Variants in PRMT8 observed in about 807,000 individuals in gnomAD.
The protein encoded by PRMT8 is protein arginine methyltransferase 8.
In PRMT8, 7 loss-of-function variants were observed where a neutral mutation model predicts 47.1. The ratio of observed to expected loss-of-function variants is 0.15; its 90% CI spans 0.08 to 0.28. PRMT8 has a LOEUF of 0.28. Ranked by LOEUF, PRMT8 falls within the 10% of genes least tolerant of loss-of-function variation. The pLI is 1.00. For synonymous variants in PRMT8, 188 were observed against 186.5 expected (o/e 1.01, Z -0.07); for missense variants, 237 against 505.4 (o/e 0.47, Z 5.09).
intron 1 of PRMT8, among the ~76,000 whole-genome samples, chr12:3,437,027 C>T (rs995624450): frequency 6.6e-6 from 1 of 152,110 alleles, no homozygotes; most frequent in Non-Finnish European, 1.5e-5. Context: ...TTTTAAGTCA[C>T]GAAAATGAAA....
chr12:3,491,344 G>T lies in PRMT8; in HGVS notation c.-282G>T, dbSNP rs1207680738. 8.8e-7 allele frequency: 1 copy of T among 1,138,908 alleles called. No homozygotes were observed. Among genetic ancestry groups the T allele is most frequent in the Non-Finnish European group, 1.1e-6 (1 of 927,478 alleles). 70.6% of individuals were successfully genotyped at this position (1,138,908 alleles called of 1,614,324 possible). A position where few individuals can be genotyped will look rare whatever the true frequency, so the allele number is the denominator to read the frequency against. On this transcript the variant is annotated 5_prime_UTR_variant, in exon 1 of 10. Coordinates refer to ENST00000382622, the MANE Select transcript of PRMT8 (RefSeq NM_019854.5). Reference sequence around the variant, plus strand: ...TTCGGGGCTGCTTCCCTCGAGCTTAGCCCGCAGCGCGGGTGGAGAGGGGCG... The same window carrying T: ...TTCGGGGCTGCTTCCCTCGAGCTTATCCCGCAGCGCGGGTGGAGAGGGGCG...
intron 1 of PRMT8, among the ~76,000 whole-genome samples, chr12:3,435,259 C>T (rs146944834): frequency 9.9e-5 from 15 of 151,982 alleles, no homozygotes; most frequent in East Asian, 5.9e-4. Context: ...ATGAGCCACC[C>T]GGTCCAGCCT....
At chr12:3,459,699 G>A (rs1426717498) in intron 1 of PRMT8, among the ~76,000 whole-genome samples, 2 of 152,196 alleles carry the variant, frequency 1.3e-5, no homozygotes, top group African/African-American at 2.4e-5. Context: ...AAGCAGAGGA[G>A]CAGGGAGAAG....
intron 1 of PRMT8, among the ~76,000 whole-genome samples, chr12:3,396,661 C>A (rs1383043777): frequency 6.6e-6 from 1 of 151,264 alleles, no homozygotes; most frequent in East Asian, 1.9e-4. Context: ...TCCTTCATTT[C>A]AACTTTGGTG....
At chr12:3,590,242 C>T (rs1867269554) in intron 8 of PRMT8, among the ~76,000 whole-genome samples, 1 of 152,186 alleles carries the variant, frequency 6.6e-6, no homozygotes, top group Admixed American at 6.5e-5. Flanking sequence ...CGGAGGGCTA[C>T]TTGAGTCTCT....
chr12:3,565,600 G>T (rs540863544), intron 4 of PRMT8, among the ~76,000 whole-genome samples: 2 of 152,228 alleles, frequency 1.3e-5, no homozygotes, highest in East Asian at 3.9e-4. Context: ...ATTTTATAGG[G>T]TTAACTGATT....
At chr12:3,414,409 C>T (rs1047327576) in intron 1 of PRMT8, among the ~76,000 whole-genome samples, 7 of 152,162 alleles carry the variant, frequency 4.6e-5, no homozygotes, top group African/African-American at 1.4e-4. Context: ...TCTGAGATTC[C>T]CTTGACCTTG....
intron 1 of PRMT8, among the ~76,000 whole-genome samples, chr12:3,421,419 G>C (rs910504733): frequency 1.3e-5 from 2 of 152,208 alleles, no homozygotes; most frequent in Admixed American, 6.5e-5. Flanking sequence ...CATCCTGCCG[G>C]GGGGTGGGGT....
At position 3,492,531 on chromosome 12, in the gene PRMT8, GC is replaced by G. The variant is rs1865437352; in HGVS notation, c.75+836del. ...TCTAGCTCCGCAAATTGTGTTCTCG[GC>G]CCCCGCCTTCGGCAGCCTTTTTCTC... On this transcript the variant is annotated intron_variant, in intron 1 of 9. Transcript: ENST00000382622. The surrounding 1 kb of genome is among the most constrained non-coding windows in gnomAD (Gnocchi z 7.5). 6.6e-6 allele frequency among the ~76,000 whole-genome samples: 1 copy of G among 152,174 alleles called. No individual in the cohort carries two copies. Among genetic ancestry groups the G allele is most frequent in the Admixed American group, 6.5e-5 (1 of 15,280 alleles).
At chr12:3,443,587 A>AC (rs942915094) in intron 1 of PRMT8, among the ~76,000 whole-genome samples, 3 of 152,168 alleles carry the variant, frequency 2.0e-5, no homozygotes, top group Non-Finnish European at 4.4e-5. Context: ...CTGGAGCACT[A>AC]CAACAGCCTC....
At chr12:3,410,683 A>G (rs1464217514) in intron 1 of PRMT8, among the ~76,000 whole-genome samples, 2 of 152,050 alleles carry the variant, frequency 1.3e-5, no homozygotes, top group South Asian at 2.1e-4. Context: ...TAATTTTTGT[A>G]TTTTTAGTAG....
intron 2 of PRMT8, among the ~76,000 whole-genome samples, chr12:3,543,105 C>T (rs1007251465): frequency 1.3e-5 from 2 of 152,254 alleles, no homozygotes; most frequent in African/African-American, 4.8e-5. Flanking sequence ...TCATAGATCA[C>T]ATTCCTGTCC....
chr12:3,384,683 G>T (rs948511896), intron 1 of PRMT8, among the ~76,000 whole-genome samples: 2 of 152,030 alleles, frequency 1.3e-5, no homozygotes, highest in African/African-American at 4.8e-5. Context: ...AATCCTACAG[G>T]CTTTTATGTC....
At chr12:3,459,143 A>G (rs139804560) in intron 1 of PRMT8, among the ~76,000 whole-genome samples, 5 of 152,326 alleles carry the variant, frequency 3.3e-5, no homozygotes, top group South Asian at 4.1e-4. Flanking sequence ...TAATCTTGGA[A>G]ATCAGAGCCC....
intron 1 of PRMT8, among the ~76,000 whole-genome samples, chr12:3,430,439 C>A (rs995929532): frequency 6.6e-6 from 1 of 152,090 alleles, no homozygotes; most frequent in Non-Finnish European, 1.5e-5. Flanking sequence ...CCCTTACAAC[C>A]AAGTTGATTG....
chr12:3,419,943 TG>T (rs1477025614), intron 1 of PRMT8, among the ~76,000 whole-genome samples: 1 of 70,848 alleles, frequency 1.4e-5, no homozygotes, highest in East Asian at 5.2e-4. Context: ...ATCACAGGAA[TG>T]GGGGGGTGGT....
chr12:3,509,426 T>C (rs1293621405), intron 1 of PRMT8, among the ~76,000 whole-genome samples: 1 of 152,210 alleles, frequency 6.6e-6, no homozygotes, highest in African/African-American at 2.4e-5. Context: ...TAGTACCAGT[T>C]CCTGCTGTCT....
In PRMT8 at chr12:3,409,477, G is replaced by A. The variant is rs1250605913; in HGVS notation, c.48+28035G>A. Among the ~76,000 whole-genome samples, 1 of 152,146 alleles carries A rather than the reference G, an allele frequency of 6.6e-6. No homozygotes were observed. Among genetic ancestry groups the A allele is most frequent in the Non-Finnish European group, 1.5e-5 (1 of 68,020 alleles). On this transcript the variant is annotated intron_variant, in intron 1 of 9. Coordinates refer to the PRMT8 transcript ENST00000452611. This position sits in a 1 kb window ranked among gnomAD's most constrained non-coding sequence, Gnocchi z 4.4. ...GATAGCAAGGACCCCTGGGTCCTTG[G>A]TGAAATTCAGCTGCAGCTTGGGCCT...
intron 8 of PRMT8, among the ~76,000 whole-genome samples, chr12:3,587,310 AAC>A (rs1455067492): frequency 1.3e-5 from 2 of 150,278 alleles, no homozygotes; most frequent in Non-Finnish European, 3.0e-5. Context: ...AATAAATACT[AAC>A]AAAATAAATT....
Sources: allele counts gnomAD v4.1 joint callset (sites outside exome capture counted in the v4.1 genomes callset), GRCh38; gene constraint gnomAD v4.1.1; non-coding constraint Gnocchi (gnomAD v3.1); transcripts MANE v1.5; gene names NCBI Gene and HGNC (gene_info 2026-07-23, HGNC 2026-07-21).